Variants in PRDM16 observed in about 807,000 individuals in gnomAD.
PRDM16 encodes the protein PR/SET domain 16, also known as histone-lysine N-methyltransferase PRDM16.
Under a neutral mutation model 110.6 loss-of-function variants are expected in PRDM16, and 23 were observed. That is an observed-to-expected ratio of 0.21 (90% confidence interval 0.15 to 0.29). The LOEUF (loss-of-function observed/expected upper bound fraction) is 0.29, where lower values mean the gene tolerates loss of function less well. Ranked by LOEUF, PRDM16 falls within the 10% of genes least tolerant of loss-of-function variation. The pLI, the probability that PRDM16 is intolerant of heterozygous loss-of-function variation, is 1.00. For synonymous variants in PRDM16, 799 were observed against 781.8 expected (o/e 1.02, Z -0.37); for missense variants, 1,615 against 1,794.3 (o/e 0.90, Z 1.81).
chr1:3,293,455 G>A (rs1570009161), intron 3 of PRDM16, among the ~76,000 whole-genome samples: 1 of 152,180 alleles, frequency 6.6e-6, no homozygotes, highest in Non-Finnish European at 1.5e-5. Context: ...TCTGTGAACC[G>A]GGACAAGGAG....
intron 3 of PRDM16, among the ~76,000 whole-genome samples, chr1:3,384,571 T>C (rs1454225329): frequency 6.6e-6 from 1 of 152,216 alleles, no homozygotes; most frequent in Non-Finnish European, 1.5e-5. Flanking sequence ...TTGGTTCGCG[T>C]GTGACTTTGC....
chr1:3,403,165 G>A (rs777783747), intron 6 of PRDM16, among the ~76,000 whole-genome samples, 167 bp downstream of exon 6: 2 of 152,168 alleles, frequency 1.3e-5, no homozygotes, highest in Non-Finnish European at 2.9e-5. Context: ...GGGGATATGT[G>A]CCCCTTCTGG....
intron 2 of PRDM16, among the ~76,000 whole-genome samples, chr1:3,188,633 C>T (rs2100802838): frequency 6.6e-6 from 1 of 152,370 alleles, no homozygotes; most frequent in Admixed American, 6.5e-5. Context: ...AACGGTGCTC[C>T]CCGCGCACCC....
intron 10 of PRDM16, among the ~76,000 whole-genome samples, chr1:3,415,737 C>T (rs915041116): frequency 2.6e-5 from 4 of 152,240 alleles, no homozygotes; most frequent in Non-Finnish European, 5.9e-5. Flanking sequence ...GCCCGCTGCC[C>T]CCACGGGCCT....
At chr1:3,420,136 C>G (rs1638388009) in intron 12 of PRDM16, among the ~76,000 whole-genome samples, 1 of 152,160 alleles carries the variant, frequency 6.6e-6, no homozygotes, top group Non-Finnish European at 1.5e-5. Context: ...TTCTTTTGCT[C>G]TCTCCAATCT....
intron 2 of PRDM16, chr1:3,207,195 T>C (rs2817143): frequency 1 from 151,738 of 152,360 alleles, 75,563 homozygotes; most frequent in East Asian, 1. Context: ...CCAGCGCCAT[T>C]GATCCCTTTT....
At chr1:3,194,827 T>C (rs1446071617) in intron 2 of PRDM16, among the ~76,000 whole-genome samples, 2 of 152,092 alleles carry the variant, frequency 1.3e-5, no homozygotes, top group African/African-American at 4.8e-5. Context: ...GCCCTTTCTC[T>C]CCAAGGTTCC....
intron 3 of PRDM16, among the ~76,000 whole-genome samples, chr1:3,286,032 T>C (rs897689760): frequency 7.9e-5 from 12 of 152,306 alleles, no homozygotes; most frequent in African/African-American, 2.6e-4. Flanking sequence ...CCCCCATAAC[T>C]ATGGGACCAT....
At chr1:3,292,859 G>A (rs1415351118) in intron 3 of PRDM16, among the ~76,000 whole-genome samples, 1 of 152,246 alleles carries the variant, frequency 6.6e-6, no homozygotes, top group African/African-American at 2.4e-5. Flanking sequence ...AATGGCCTGG[G>A]TGGGTTTCCG....
At chr1:3,100,507 G>A (rs1040674839) in intron 1 of PRDM16, among the ~76,000 whole-genome samples, 2 of 152,056 alleles carry the variant, frequency 1.3e-5, no homozygotes, top group African/African-American at 4.8e-5. Context: ...GAACCTCCAC[G>A]CCCTGCCCTC....
At chr1:3,342,833 A>C (rs756936784) in intron 3 of PRDM16, among the ~76,000 whole-genome samples, 11 of 152,150 alleles carry the variant, frequency 7.2e-5, no homozygotes, top group African/African-American at 2.7e-4. Context: ...GTGTTCTTTT[A>C]TTCTGTATGG....
rs547293758 is a variant in PRDM16 at position 3,213,766 on chromosome 1, C to G, written c.387+27292C>G. Among the ~76,000 whole-genome samples, 56 of 152,240 alleles carry G rather than the reference C, an allele frequency of 3.7e-4. No individual in the cohort carries two copies. Among genetic ancestry groups the G allele is most frequent in the African/African-American group, 1.3e-3 (52 of 41,542 alleles). On this transcript the variant is annotated intron_variant, in intron 2 of 16. Coordinates refer to ENST00000270722, the MANE Select transcript of PRDM16 (RefSeq NM_022114.4). This position sits in a 1 kb window ranked among gnomAD's most constrained non-coding sequence, Gnocchi z 5.3. ...GGGTTTCCGGGACACCACGTCCACCCCAGGTCACCTACAAACAAGGTCAGC... is the reference window on the plus strand; with the variant it reads ...GGGTTTCCGGGACACCACGTCCACCGCAGGTCACCTACAAACAAGGTCAGC...
rs1253077322 is a variant in PRDM16, at chr1:3,245,117, TG to T, written c.438+981del. On this transcript the variant is annotated intron_variant, in intron 3 of 16. Transcript: ENST00000270722. The surrounding 1 kb of genome is among the most constrained non-coding windows in gnomAD (Gnocchi z 4.7). ...GGGGTTGCTGGCACAGAGGAGCCAG[TG>T]CTGAGTCAGTGCCTACCGAGTGCTG... 6.6e-6 allele frequency among the ~76,000 whole-genome samples: 1 copy of T among 152,164 alleles called. No individual in the cohort carries two copies. Among genetic ancestry groups the T allele is most frequent in the East Asian group, 1.9e-4 (1 of 5,192 alleles).
intron 3 of PRDM16, among the ~76,000 whole-genome samples, chr1:3,377,855 G>T (rs994766752): frequency 1.3e-5 from 2 of 152,172 alleles, no homozygotes; most frequent in Non-Finnish European, 2.9e-5. Flanking sequence ...GCCCGGGTTG[G>T]TCACTTGCAT....
chr1:3,407,552 G>A (rs961004540), intron 8 of PRDM16, among the ~76,000 whole-genome samples: 1 of 152,212 alleles, frequency 6.6e-6, no homozygotes, highest in African/African-American at 2.4e-5. Flanking sequence ...CCAGCTGCAG[G>A]TCAAGTGACT....
intron 2 of PRDM16, among the ~76,000 whole-genome samples, chr1:3,219,792 C>T (rs567862425): frequency 9.9e-5 from 15 of 152,284 alleles, no homozygotes; most frequent in African/African-American, 2.9e-4. Context: ...TCACCGACTT[C>T]GGGAGAAACC....
At chr1:3,276,259 C>T (rs1374078221) in intron 3 of PRDM16, among the ~76,000 whole-genome samples, 1 of 152,232 alleles carries the variant, frequency 6.6e-6, no homozygotes, top group Non-Finnish European at 1.5e-5. Flanking sequence ...GGGCAGCCCC[C>T]CGGCCCCCGC....
rs991140954 is a variant in PRDM16, at chr1:3,434,242, G to A, written c.*431G>A. Reference sequence around the variant, plus strand: ...AATGATTTTTATAATGAAATGACAAGAATAACCCTTTTGGTAACCGTATTG... The same window carrying A: ...AATGATTTTTATAATGAAATGACAAAAATAACCCTTTTGGTAACCGTATTG... On this transcript the variant is annotated 3_prime_UTR_variant, in exon 17 of 17. Transcript: ENST00000270722. 6.3e-5 allele frequency: 15 copies of A among 239,768 alleles called. 1 individual carries two copies. The highest frequency in any genetic ancestry group is 2.2e-4 in the Admixed American group (4 of 18,156). 14.9% of individuals were successfully genotyped at this position (239,768 alleles called of 1,614,324 possible).
intron 3 of PRDM16, among the ~76,000 whole-genome samples, chr1:3,332,131 T>A (rs1038749256): frequency 2.0e-5 from 3 of 152,250 alleles, no homozygotes; most frequent in African/African-American, 4.8e-5. Flanking sequence ...TCAGCCCCAT[T>A]TTCAGGCTCC....
Sources: allele counts gnomAD v4.1 joint callset (sites outside exome capture counted in the v4.1 genomes callset), GRCh38; gene constraint gnomAD v4.1.1; non-coding constraint Gnocchi (gnomAD v3.1); transcripts MANE v1.5; gene names NCBI Gene and HGNC (gene_info 2026-07-23, HGNC 2026-07-21).